NOC2L: variants seen among roughly 807,000 people sequenced by gnomAD.
NOC2L encodes NOC2 like nucleolar associated transcriptional repressor.
In NOC2L, 101 loss-of-function variants were observed where a neutral mutation model predicts 94.2. That is an observed-to-expected ratio of 1.07 (90% CI 0.91 to 1.26). The LOEUF is 1.26. NOC2L is among the 50% of genes most tolerant of loss of function. The probability of loss-of-function intolerance (pLI) is 0.00; values close to 1 mark genes in which losing one functional copy is unlikely to be tolerated. For synonymous variants in NOC2L, 531 were observed against 413.4 expected, an observed-to-expected ratio of 1.28 and a Z score of -3.45; for missense variants, 1,076 against 980.1, an observed-to-expected ratio of 1.10 and a Z score of -1.31.
At position 952,619 on chromosome 1, in the gene NOC2L, C is replaced by A; in HGVS notation, c.1003-19G>T. 1.2e-6 allele frequency: 2 copies of A among 1,613,016 alleles called. No homozygotes were observed. The highest frequency in any genetic ancestry group is 2.2e-5 in the South Asian group (2 of 91,012). Reference sequence around the variant, plus strand: ...ACATTTGCTGCGGAGAGACCCGGGTCAGAGCCACCTGGGATCAGGGCCATG... The same window carrying A: ...ACATTTGCTGCGGAGAGACCCGGGTAAGAGCCACCTGGGATCAGGGCCATG... On this transcript the variant is annotated intron_variant, in intron 9 of 18. Transcript: ENST00000327044.
In NOC2L at chr1:957,288, G is replaced by A. The variant is rs1557623521; in HGVS notation, c.180-15C>T. ...CTTTACGCCGGCTGAGGAGGCAGAA[G>A]TCAGCGACCCCAGTGGGAAGTGGAA... On this transcript the variant is annotated splice_polypyrimidine_tract_variant and intron_variant, in intron 2 of 18. Coordinates refer to ENST00000327044, the MANE Select transcript of NOC2L (RefSeq NM_015658.4). 3 of 1,612,498 alleles carry A rather than the reference G, an allele frequency of 1.9e-6. No individual in the cohort carries two copies. The highest frequency in any genetic ancestry group is 2.7e-5 in the African/African-American group (2 of 75,038).
chr1:953,063 C>A (rs1354565918), intron 9 of NOC2L, 112 bp downstream of exon 9: 2 of 717,572 alleles, frequency 2.8e-6, no homozygotes, highest in Non-Finnish European at 5.0e-6. Context: ...CTGCTCAGAG[C>A]TGCAGTGAGG....
At chr1:949,948 TA>T (rs1557617950) in intron 12 of NOC2L, among the ~76,000 whole-genome samples, 1 of 152,194 alleles carries the variant, frequency 6.6e-6, no homozygotes, top group Non-Finnish European at 1.5e-5. Flanking sequence ...ACTCATTAGA[TA>T]AACAGGGTGG....
intron 13 of NOC2L, 117 bp downstream of exon 13, chr1:948,373 G>T: frequency 9.5e-7 from 1 of 1,047,344 alleles, no homozygotes; most frequent in Non-Finnish European, 1.4e-6. Context: ...CCAGCCCTGG[G>T]AGACCATGAA....
intron 12 of NOC2L, among the ~76,000 whole-genome samples, chr1:950,472 G>C (rs1442736320): frequency 6.6e-6 from 1 of 150,770 alleles, no homozygotes; most frequent in Non-Finnish European, 1.5e-5. Flanking sequence ...CATGCATACA[G>C]GTACACACAG....
chr1:944,737 G>C lies in NOC2L; in HGVS notation c.2207C>G (p.Pro736Arg). 6.2e-7 allele frequency: 1 copy of C among 1,600,278 alleles called. No homozygotes were observed. The highest frequency in any genetic ancestry group is 2.2e-5 in the East Asian group (1 of 44,740). Reference protein sequence around the residue: ...PGELQQLAQGPEDELEDLQLS... With the variant: ...PGELQQLAQGREDELEDLQLS... Reference sequence around the variant, plus strand: ...CTGCAGATCCTCCAGCTCGTCCTCCGGCCCCTGGGCCAGCTGCTGCAGCTC... The same window carrying C: ...CTGCAGATCCTCCAGCTCGTCCTCCCGCCCCTGGGCCAGCTGCTGCAGCTC... The change falls in exon 19 of 19, where the codon CCG becomes CGG. Residue 736 changes from proline (P) to arginine (R), a missense_variant. By Grantham distance (103) the Pro-to-Arg change is moderately radical. Around this residue, in one of 3 missense-constraint regions of NOC2L, gnomAD observed 615 missense variants for 577.4 expected, o/e 1.07. Coordinates refer to ENST00000327044, the MANE Select transcript of NOC2L (RefSeq NM_015658.4).
intron 9 of NOC2L, 94 bp downstream of exon 9, chr1:953,081 G>T: frequency 1.2e-6 from 1 of 815,858 alleles, no homozygotes; most frequent in Non-Finnish European, 2.1e-6. Context: ...AGGGTCCAGT[G>T]AGGGGCACCA....
Position 954,011 on chromosome 1 carries a change from G to A in NOC2L, c.770C>T (p.Ala257Val), listed in dbSNP as rs767781493. The change falls in exon 7 of 19, where the codon GCC (alanine) becomes GTC (valine). Residue 257 changes from alanine (A) to valine (V), a missense_variant. By Grantham distance (64) the Ala-to-Val change is moderately conservative (BLOSUM62 0). Coordinates refer to ENST00000327044, the MANE Select transcript of NOC2L (RefSeq NM_015658.4). ...TCCCCACCAGAATAGCACCTGTATG[G>A]CCGAGCCCAGGTAAGCCTTGATGTC... ...RVDIKAYLGSAIQLVSCLSET... is the reference protein window; with the variant it reads ...RVDIKAYLGSVIQLVSCLSET... 1.2e-5 allele frequency: 20 copies of A among 1,605,710 alleles called. No homozygotes were observed. In the South Asian group the frequency reaches 2.1e-4, roughly 17 times the overall value.
chr1:957,504 T>C (rs1642445967), intron 2 of NOC2L: 2 of 547,494 alleles, frequency 3.7e-6, no homozygotes, highest in African/African-American at 1.9e-5. Flanking sequence ...TTGCTGTGCC[T>C]GCGCCCTGCG....
intron 10 of NOC2L, 74 bp from the exon 11 acceptor site, chr1:952,213 C>G: frequency 6.4e-7 from 1 of 1,558,288 alleles, no homozygotes; most frequent in Admixed American, 1.7e-5. Context: ...CCTGGGCCGG[C>G]ACAGGAATCA....
intron 15 of NOC2L, 25 bp downstream of exon 15, chr1:946,377 G>A (rs373354096): frequency 1.6e-4 from 251 of 1,613,276 alleles, no homozygotes; most frequent in Non-Finnish European, 1.9e-4. Context: ...GCCCTCAGGT[G>A]GCACTACCCC....
At chr1:959,115 C>T (rs1165795820) in intron 1 of NOC2L, 34 bp from the exon 2 acceptor site, 3 of 1,610,068 alleles carry the variant, frequency 1.9e-6, no homozygotes, top group Middle Eastern at 1.7e-4. Context: ...GCTGCCCGCA[C>T]GCCCAGCTCG....
In NOC2L at chr1:953,806, G is replaced by A; in HGVS notation, c.864C>T (p.Pro288=). 6.2e-7 allele frequency: 1 copy of A among 1,612,734 alleles called. No homozygotes were observed. The highest frequency in any genetic ancestry group is 8.5e-7 in the Non-Finnish European group (1 of 1,179,804). Residue 288 remains proline, a synonymous_variant, in exon 8 of 19, where the codon CCC becomes CCT. Coordinates refer to ENST00000327044, the MANE Select transcript of NOC2L (RefSeq NM_015658.4). ...SVLVPCFLTF[P]KQCRMLLKRM... ...CCTTGAGCAGCATGCGGCACTGCTT[G>A]GGGAAGGTCAGGAAGCAGGGCACCA...
At chr1:951,361 G>A (rs778971887) in intron 11 of NOC2L, 123 bp from the exon 12 acceptor site, 62 of 741,524 alleles carry the variant, frequency 8.4e-5, no homozygotes, top group South Asian at 6.9e-4. Flanking sequence ...GACAAGGCAC[G>A]TCTGAACCCC....
At chr1:958,441 G>A (rs1479139983) in intron 2 of NOC2L, 3 of 332,556 alleles carry the variant, frequency 9.0e-6, no homozygotes, top group Non-Finnish European at 1.2e-5. Flanking sequence ...GTAGAGACAT[G>A]ATTTTTCCGT....
intron 9 of NOC2L, 32 bp from the exon 10 acceptor site, chr1:952,632 G>A (rs781198439): frequency 1.9e-6 from 3 of 1,610,310 alleles, no homozygotes; most frequent in Non-Finnish European, 2.5e-6. Flanking sequence ...AGCCACCTGG[G>A]ATCAGGGCCA....
intron 2 of NOC2L, 104 bp from the exon 3 acceptor site, chr1:957,377 C>T (rs1642440487): frequency 8.8e-7 from 1 of 1,130,866 alleles, no homozygotes; most frequent in Non-Finnish European, 1.3e-6. Context: ...TACCAACTAG[C>T]AAGACAGGAT....
chr1:944,662 G>T lies in NOC2L; in HGVS notation c.*32C>A, dbSNP rs771514064. 5.0e-5 allele frequency: 70 copies of T among 1,399,846 alleles called. No individual in the cohort carries two copies. The highest frequency in any genetic ancestry group is 6.8e-5 in the Non-Finnish European group (69 of 1,008,436). 86.7% of individuals were successfully genotyped at this position (1,399,846 alleles called of 1,614,324 possible). The stretch of plus-strand genomic sequence containing the variant: ...GGTGGAAACACTGGCCACCAGCCCG[G>T]CAGCCCCTACAGGCCCCCCAGATGG... On this transcript the variant is annotated 3_prime_UTR_variant, in exon 19 of 19. Transcript: ENST00000327044.
chr1:946,699 C>G, intron 14 of NOC2L, 154 bp from the exon 15 acceptor site: 2 of 881,968 alleles, frequency 2.3e-6, no homozygotes, highest in Non-Finnish European at 3.4e-6. Context: ...GCTGTTGCAG[C>G]TGGGATGGCA....
Sources: allele counts gnomAD v4.1 joint callset (sites outside exome capture counted in the v4.1 genomes callset), GRCh38; gene constraint gnomAD v4.1.1; regional missense constraint gnomAD v4.1.1; transcripts MANE v1.5; gene names NCBI Gene and HGNC (gene_info 2026-07-23, HGNC 2026-07-21).